The following LPP variants were observed in gnomAD, a reference collection of about 807,000 sequenced individuals.
LPP encodes the protein LIM domain containing preferred translocation partner in lipoma, also known as lipoma-preferred partner.
Under a neutral mutation model 60.4 loss-of-function variants are expected in LPP, and 38 were observed. The ratio of observed to expected loss-of-function variants is 0.63; its 90% CI spans 0.49 to 0.83. LPP has a LOEUF of 0.83. Ranked by LOEUF, LPP falls within the 40% of genes least tolerant of loss-of-function variation. The pLI is 0.00. For missense variants in LPP, 902 were observed against 783.6 expected, an observed-to-expected ratio of 1.15 and a Z score of -1.80; for synonymous variants, 328 against 290.8, an observed-to-expected ratio of 1.13 and a Z score of -1.30.
intron 9 of LPP, among the ~76,000 whole-genome samples, chr3:188,829,317 T>C (rs1756511354): frequency 6.6e-6 from 1 of 152,162 alleles, no homozygotes; most frequent in African/African-American, 2.4e-5. Context: ...CTATCCTTTG[T>C]CCCTTCATGG....
intron 8 of LPP, among the ~76,000 whole-genome samples, chr3:188,752,320 G>T (rs1016525864): frequency 2.0e-5 from 3 of 152,176 alleles, no homozygotes; most frequent in Admixed American, 2.0e-4. Flanking sequence ...TCTAGTGAGT[G>T]CGTCTACTCA....
chr3:188,787,604 C>T (rs1742360929), intron 9 of LPP, among the ~76,000 whole-genome samples: 1 of 152,174 alleles, frequency 6.6e-6, no homozygotes, highest in Non-Finnish European at 1.5e-5. Context: ...CATTCTTGAG[C>T]TCTTGCAGCA....
intron 2 of LPP, among the ~76,000 whole-genome samples, chr3:188,241,931 G>T (rs1725033514): frequency 6.6e-6 from 1 of 152,124 alleles, no homozygotes; most frequent in Non-Finnish European, 1.5e-5. Context: ...CTTTATTCCA[G>T]TGACCTCTGC....
chr3:188,771,230 T>G (rs1185907887), intron 9 of LPP, among the ~76,000 whole-genome samples: 2 of 152,116 alleles, frequency 1.3e-5, no homozygotes, highest in Non-Finnish European at 2.9e-5. Flanking sequence ...TGAATTCATT[T>G]GTGATCTTAT....
At chr3:188,719,438 A>G (rs939116737) in intron 8 of LPP, among the ~76,000 whole-genome samples, 1 of 152,206 alleles carries the variant, frequency 6.6e-6, no homozygotes, top group Non-Finnish European at 1.5e-5. Context: ...CTTGATACAA[A>G]CAGCAGACAT....
intron 1 of LPP, among the ~76,000 whole-genome samples, chr3:188,209,925 T>A (rs113938607): frequency 4.5e-4 from 68 of 152,216 alleles, no homozygotes; most frequent in Middle Eastern, 3.4e-3. Flanking sequence ...AAAAATGCAT[T>A]AGAAGTCAGC....
At chr3:188,478,910 C>T (rs893370844) in intron 4 of LPP, among the ~76,000 whole-genome samples, 5 of 151,998 alleles carry the variant, frequency 3.3e-5, no homozygotes, top group Admixed American at 6.6e-5. Flanking sequence ...CCTGCTACCA[C>T]GCCTGGCTAA....
intron 7 of LPP, among the ~76,000 whole-genome samples, chr3:188,673,455 TAATC>T (rs1416414097): frequency 6.6e-6 from 1 of 152,206 alleles, no homozygotes; most frequent in Non-Finnish European, 1.5e-5. Flanking sequence ...CCTCTATAAT[TAATC>T]AATGTAGCAC....
intron 8 of LPP, among the ~76,000 whole-genome samples, chr3:188,749,695 GA>G (rs1207631840): frequency 2.6e-5 from 4 of 152,156 alleles, no homozygotes. Flanking sequence ...TTGGGAAGAT[GA>G]TAATTGTCTC....
At chr3:188,301,252 G>A (rs1334902526) in intron 2 of LPP, among the ~76,000 whole-genome samples, 1 of 152,172 alleles carries the variant, frequency 6.6e-6, no homozygotes, top group East Asian at 1.9e-4. Context: ...TATCTATAAA[G>A]TTAATGGAGA....
chr3:188,669,520 G>A lies in LPP; in HGVS notation c.1114-38747G>A, dbSNP rs1331692256. ...GAACCTGGGAGGCGGAGCTTGCAGT[G>A]AGCCGAGATCGCACCACTGCACTCC... On this transcript the variant is annotated intron_variant, in intron 7 of 11. Coordinates refer to ENST00000617246, the MANE Select transcript of LPP (RefSeq NM_001375462.1). Among the ~76,000 whole-genome samples, 5 of 152,192 alleles carry A rather than the reference G, an allele frequency of 3.3e-5. No homozygotes were observed. The South Asian group carries it at 1.0e-3, about 32-fold the overall frequency.
At chr3:188,299,414 AT>A (rs1303990677) in intron 2 of LPP, among the ~76,000 whole-genome samples, 2 of 152,080 alleles carry the variant, frequency 1.3e-5, no homozygotes, top group Non-Finnish European at 2.9e-5. Context: ...GCTGACTATA[AT>A]TCTCCCTCAG....
chr3:188,370,413 C>G (rs1440692903), intron 3 of LPP, among the ~76,000 whole-genome samples: 1 of 152,140 alleles, frequency 6.6e-6, no homozygotes, highest in Non-Finnish European at 1.5e-5. Context: ...AACTCTCTAG[C>G]AATCCCAGGT....
At chr3:188,224,660 T>C (rs1025800874) in intron 1 of LPP, among the ~76,000 whole-genome samples, 3 of 152,120 alleles carry the variant, frequency 2.0e-5, no homozygotes, top group Non-Finnish European at 4.4e-5. Context: ...CTTTTACTCA[T>C]GGCTGAAGGC....
At position 188,883,400 on chromosome 3, in the gene LPP, C is replaced by G. The variant is rs1402683530; in HGVS notation, c.*8921C>G. 4.8e-6 allele frequency: 1 copy of G among 208,876 alleles called. No individual in the cohort carries two copies. Among genetic ancestry groups the G allele is most frequent in the Non-Finnish European group, 9.8e-6 (1 of 102,458 alleles). The allele number at this position is 208,876 out of a possible 1,614,324, so 12.9% of individuals were successfully genotyped here. On this transcript the variant is annotated 3_prime_UTR_variant, in exon 12 of 12. Transcript: ENST00000617246. ...CCCAGTAACTAACCCATGAACAGTA[C>G]ACCCCTTTTATCTGACTTGTTGATA...
chr3:188,330,923 T>C (rs1759868056), intron 2 of LPP, among the ~76,000 whole-genome samples: 1 of 152,186 alleles, frequency 6.6e-6, no homozygotes, highest in African/African-American at 2.4e-5. Flanking sequence ...GGTGACTTAC[T>C]CTTTTTAATT....
intron 8 of LPP, chr3:188,712,007 T>A (rs938490005): frequency 4.6e-5 from 7 of 152,162 alleles, no homozygotes; most frequent in African/African-American, 1.7e-4. Context: ...GAGTGAAGTG[T>A]CCACGTGAGA....
intron 7 of LPP, among the ~76,000 whole-genome samples, chr3:188,653,845 C>G (rs1852581986): frequency 6.6e-6 from 1 of 152,112 alleles, no homozygotes; most frequent in Non-Finnish European, 1.5e-5. Flanking sequence ...GCTTATGAGT[C>G]TTAGATGCAA....
At chr3:188,640,306 G>A (rs1849792092) in intron 7 of LPP, among the ~76,000 whole-genome samples, 1 of 147,876 alleles carries the variant, frequency 6.8e-6, no homozygotes. Context: ...CTTATAGGTG[G>A]GAATTGAACA....
Sources: gnomAD v4.1 joint callset for allele counts (sites outside exome capture counted in the v4.1 genomes callset) on GRCh38, gnomAD v4.1.1 for gene constraint, MANE v1.5 for transcripts, NCBI Gene and HGNC (gene_info 2026-07-23, HGNC 2026-07-21) for gene names.